NUP214: variants seen among roughly 807,000 people sequenced by gnomAD.
The protein encoded by NUP214 is nuclear pore complex protein Nup214.
Under a neutral mutation model 196.2 loss-of-function variants are expected in NUP214, and 79 were observed. The observed-to-expected ratio is 0.40, with a 90% CI of 0.34 to 0.49. The LOEUF (loss-of-function observed/expected upper bound fraction) is 0.49, where lower values mean the gene tolerates loss of function less well. Among genes scored for constraint, NUP214 ranks in the 20% least tolerant of loss-of-function variants. The probability of loss-of-function intolerance (pLI) is 0.58; values close to 1 mark genes in which losing one functional copy is unlikely to be tolerated. For synonymous variants in NUP214, 1,020 were observed against 990.5 expected, an observed-to-expected ratio of 1.03 and a Z score of -0.56; for missense variants, 2,468 against 2,539.0, an observed-to-expected ratio of 0.97 and a Z score of 0.60.
chr9:131,229,090 C>T (rs1191246886), intron 33 of NUP214: 3 of 152,936 alleles, frequency 2.0e-5, no homozygotes, highest in Non-Finnish European at 4.4e-5. Flanking sequence ...CAGTACTGGG[C>T]TCAGCATGAG....
At position 131,198,878 on chromosome 9, in the gene NUP214, G is replaced by C. The variant is rs542840446; in HGVS notation, c.5384G>C (p.Gly1795Ala). 12 of 1,614,078 alleles carry C rather than the reference G, an allele frequency of 7.4e-6. No individual in the cohort carries two copies. The African/African-American group carries it at 8.0e-5, about 11-fold the overall frequency. The change falls in exon 29 of 36, where the codon GGG (glycine) becomes GCG (alanine). Residue 1795 changes from glycine (G) to alanine (A), a missense_variant. Around this residue, in one of 5 missense-constraint regions of NUP214, gnomAD observed 1,801 missense variants for 1,779.4 expected, o/e 1.01. Transcript: ENST00000359428. ...GGACAGTCTTCTCCCAACACAGGAG[G>C]GGGGCTGTTTGGCCAAAGCAACGCT... ...SFGQSSPNTG[G>A]GLFGQSNAPA...
chr9:131,165,756 C>T (rs1028392744), intron 21 of NUP214, among the ~76,000 whole-genome samples: 15 of 152,202 alleles, frequency 9.9e-5, no homozygotes, highest in African/African-American at 3.4e-4. Context: ...AACAAAATGT[C>T]TGTCTATACA....
intron 23 of NUP214, 97 bp downstream of exon 23, chr9:131,175,718 T>C: frequency 2.1e-6 from 3 of 1,458,588 alleles, no homozygotes; most frequent in Non-Finnish European, 2.7e-6. Context: ...GGGCGCTCTT[T>C]GGTGCCCTTC....
chr9:131,125,796 G>A lies in NUP214; in HGVS notation c.45+47G>A. 9.7e-6 allele frequency: 15 copies of A among 1,546,924 alleles called. No homozygotes were observed. The highest frequency in any genetic ancestry group is 1.3e-5 in the Non-Finnish European group (15 of 1,143,688). ...CCCTCCCTTCTTTAGTCCTGGCGTT[G>A]CCTTGGAGCCCAGCTGAAAGGCGAA... On this transcript the variant is annotated intron_variant, in intron 1 of 35. Coordinates refer to ENST00000359428, the MANE Select transcript of NUP214 (RefSeq NM_005085.4). This position sits in a 1 kb window ranked among gnomAD's most constrained non-coding sequence, Gnocchi z 4.1.
Position 131,128,382 on chromosome 9 carries a change from C to T in NUP214, c.292C>T (p.Leu98=). The T allele has an allele frequency of 6.2e-7, 1 of 1,613,376 alleles. No homozygotes were observed. The highest frequency in any genetic ancestry group is 8.5e-7 in the Non-Finnish European group (1 of 1,179,474). The change falls in exon 3 of 36, where the codon CTG becomes TTG. Residue 98 remains leucine (L), a synonymous_variant. Coordinates refer to ENST00000359428, the MANE Select transcript of NUP214 (RefSeq NM_005085.4). ...LVPMKFPIHH[L]ALSCDNLTLS... ...TCCTATGAAATTCCCAATCCATCACCTGGCCTTGAGCTGTGATAACCTCAC... is the reference window on the plus strand; with the variant it reads ...TCCTATGAAATTCCCAATCCATCACTTGGCCTTGAGCTGTGATAACCTCAC...
In NUP214 at chr9:131,215,537, T is replaced by C. The variant is rs73658940; in HGVS notation, c.5749+169T>C. ...ATCTGTTTTGCTTTTTTATTTTTGG[T>C]TTTTTAATGAGATGTCCTATATAAT... On this transcript the variant is annotated intron_variant, in intron 31 of 35. Transcript: ENST00000359428. 7.7e-3 allele frequency among the ~76,000 whole-genome samples: 1,177 copies of C among 152,118 alleles called. 14 individuals are homozygous for C. The highest frequency in any genetic ancestry group is 0.027 in the African/African-American group (1,108 of 41,492).
At chr9:131,128,526 G>A (rs1831434352) in intron 3 of NUP214, 43 bp downstream of exon 3, 2 of 1,525,202 alleles carry the variant, frequency 1.3e-6, no homozygotes, top group African/African-American at 1.4e-5. Flanking sequence ...AGAACCCTAA[G>A]CAGATTTCCT....
intron 32 of NUP214, among the ~76,000 whole-genome samples, 184 bp from the exon 33 acceptor site, chr9:131,227,976 A>G (rs28445104): frequency 0.097 from 6,429 of 66,190 alleles, 251 homozygotes; most frequent in African/African-American, 0.2. Context: ...TATTTTCTTG[A>G]TAGAAGGGCG....
At chr9:131,212,701 T>A (rs1352722969) in intron 30 of NUP214, among the ~76,000 whole-genome samples, 1 of 152,220 alleles carries the variant, frequency 6.6e-6, no homozygotes, top group Non-Finnish European at 1.5e-5. Context: ...AGTCTGGATC[T>A]TAAACACTTA....
Position 131,146,188 on chromosome 9 carries a change from C to T in NUP214, c.1829C>T (p.Ser610Leu), listed in dbSNP as rs770160380. The T allele has an allele frequency of 5.0e-6, 8 of 1,614,046 alleles. No homozygotes were observed. The highest frequency in any genetic ancestry group is 2.7e-5 in the African/African-American group (2 of 74,924). Residue 610 changes from serine to leucine, a missense_variant, in exon 13 of 36, where the codon TCG becomes TTG. This residue lies in a region of NUP214 where 1,801 missense variants were observed against 1,779.4 expected (regional missense o/e 1.01). Transcript: ENST00000359428. This position sits in a 1 kb window ranked among gnomAD's most constrained non-coding sequence, Gnocchi z 4.6. The stretch of plus-strand genomic sequence containing the variant: ...AGCTCCCAGAGCGCACCCCCGATGT[C>T]GCCATTCTCTTCTGCCTCCAAGCCA... ...VSSSQSAPPM[S>L]PFSSASKPAA... is the part of the protein sequence containing the mutation.
chr9:131,229,687 G>A (rs774954589), intron 33 of NUP214: 4 of 517,808 alleles, frequency 7.7e-6, no homozygotes, highest in East Asian at 5.4e-5. Context: ...GCCTGTCTCC[G>A]ACCCTGAAGG....
chr9:131,191,948 A>G (rs1833613300), intron 26 of NUP214: 1 of 314,482 alleles, frequency 3.2e-6, no homozygotes, highest in Non-Finnish European at 5.8e-6. Flanking sequence ...TTATTTTGAT[A>G]TATTTTCTGT....
chr9:131,157,410 C>T (rs1427938840), intron 17 of NUP214, among the ~76,000 whole-genome samples: 1 of 149,022 alleles, frequency 6.7e-6, no homozygotes, highest in Admixed American at 6.7e-5. Flanking sequence ...CTCCTACTGA[C>T]TTGGCCTCCC....
Position 131,150,703 on chromosome 9 carries a change from A to G in NUP214, c.2215A>G (p.Met739Val), listed in dbSNP as rs564669049. 4 of 1,614,236 alleles carry G rather than the reference A, an allele frequency of 2.5e-6. No individual in the cohort carries two copies. The highest frequency in any genetic ancestry group is 1.3e-5 in the African/African-American group (1 of 75,066). The change falls in exon 16 of 36, where the codon ATG (methionine) becomes GTG (valine). Residue 739 changes from methionine to valine, a missense_variant. Met to Val is a conservative substitution (Grantham distance 21, BLOSUM62 1). Around this residue, in one of 5 missense-constraint regions of NUP214, gnomAD observed 1,801 missense variants for 1,779.4 expected, o/e 1.01. Transcript: ENST00000359428. ...AGTGGGCACTTCTGAGGAGATGAAG[A>G]TGCTGCGAACAGAATCAGATGACTT... is the stretch of plus-strand genomic sequence containing the variant. ...FQVGTSEEMK[M>V]LRTESDDLHT...
At chr9:131,157,459 GTT>G (rs146677149) in intron 17 of NUP214, among the ~76,000 whole-genome samples, 7 of 74,674 alleles carry the variant, frequency 9.4e-5, no homozygotes, top group South Asian at 6.1e-4. Flanking sequence ...TGTGTCTGGC[GTT>G]TTTTTTTTTT....
intron 9 of NUP214, 103 bp from the exon 10 acceptor site, chr9:131,139,178 T>C: frequency 8.0e-7 from 1 of 1,253,824 alleles, no homozygotes; most frequent in Non-Finnish European, 1.0e-6. Flanking sequence ...ATCTCTGTTC[T>C]CCTATTTGAA....
intron 7 of NUP214, 134 bp from the exon 8 acceptor site, chr9:131,134,764 C>T: frequency 4.7e-6 from 3 of 644,228 alleles, no homozygotes; most frequent in South Asian, 1.9e-5. Flanking sequence ...TGCCTTTATA[C>T]CATGTCCGTA....
Position 131,127,625 on chromosome 9 carries a change from T to G in NUP214, c.147T>G (p.Gly49=). Residue 49 remains glycine (G), a synonymous_variant, in exon 2 of 36, where the codon GGT becomes GGG. Coordinates refer to ENST00000359428, the MANE Select transcript of NUP214 (RefSeq NM_005085.4). ...TGCTTGCTGTGTCCAACAAATATGGTCTGGTCTTCGCTGGTGGAGCCAGTG... is the reference window on the plus strand; with the variant it reads ...TGCTTGCTGTGTCCAACAAATATGGGCTGGTCTTCGCTGGTGGAGCCAGTG... The part of the protein sequence containing the change: ...SSLLAVSNKY[G]LVFAGGASGL... The G allele has an allele frequency of 6.2e-7, 1 of 1,614,128 alleles. No homozygotes were observed. Among genetic ancestry groups the G allele is most frequent in the South Asian group, 1.1e-5 (1 of 91,076 alleles).
chr9:131,169,058 G>T (rs1832876470), intron 21 of NUP214, among the ~76,000 whole-genome samples: 1 of 114,164 alleles, frequency 8.8e-6, no homozygotes. Context: ...TTTGGAGACA[G>T]AATCTCGCTC....
Sources: gnomAD v4.1 joint callset for allele counts (sites outside exome capture counted in the v4.1 genomes callset) on GRCh38, gnomAD v4.1.1 for gene constraint, gnomAD v4.1.1 regional missense constraint, Gnocchi (gnomAD v3.1) non-coding constraint, MANE v1.5 for transcripts, NCBI Gene and HGNC (gene_info 2026-07-23, HGNC 2026-07-21) for gene names.